The following DOCK2 variants were observed in gnomAD, a reference collection of about 807,000 sequenced individuals.
The protein encoded by DOCK2 is dedicator of cytokinesis 2, also known as dedicator of cytokinesis protein 2.
Under a neutral mutation model 248.9 loss-of-function variants are expected in DOCK2, and 87 were observed. The ratio of observed to expected loss-of-function variants is 0.35; its 90% CI spans 0.29 to 0.42. The LOEUF (loss-of-function observed/expected upper bound fraction) is 0.42, where lower values mean the gene tolerates loss of function less well. DOCK2 is among the 10% of genes least tolerant of loss of function. DOCK2 has a pLI of 1.00. For synonymous variants in DOCK2, 805 were observed against 821.6 expected (o/e 0.98, Z 0.35); for missense variants, 1,747 against 2,300.2 (o/e 0.76, Z 4.92).
chr5:170,058,287 T>C (rs1415127934), intron 44 of DOCK2, among the ~76,000 whole-genome samples: 1 of 152,216 alleles, frequency 6.6e-6, no homozygotes, highest in Non-Finnish European at 1.5e-5. Flanking sequence ...TTTATTTATT[T>C]ATTCATTCAT....
chr5:169,859,838 CACA>C (rs541590926), intron 27 of DOCK2, among the ~76,000 whole-genome samples: 103 of 152,272 alleles, frequency 6.8e-4, no homozygotes, highest in African/African-American at 2.4e-3. Flanking sequence ...TTTGATTCCA[CACA>C]ACAAGAATCT....
intron 27 of DOCK2, among the ~76,000 whole-genome samples, chr5:169,927,710 G>T (rs1023984211): frequency 6.6e-6 from 1 of 152,162 alleles, no homozygotes; most frequent in Non-Finnish European, 1.5e-5. Context: ...TCCGCTTCCC[G>T]AGTTCATGCC....
At chr5:169,724,704 A>G (rs1271801879) in intron 22 of DOCK2, among the ~76,000 whole-genome samples, 3 of 151,196 alleles carry the variant, frequency 2.0e-5, no homozygotes, top group Non-Finnish European at 4.4e-5. Flanking sequence ...TGCCTTCAGC[A>G]TCAATGACCA....
intron 25 of DOCK2, among the ~76,000 whole-genome samples, chr5:169,780,712 A>G (rs1479511678): frequency 6.6e-6 from 1 of 152,206 alleles, no homozygotes; most frequent in Non-Finnish European, 1.5e-5. Flanking sequence ...CTTCATTGAA[A>G]GATGGTAATA....
rs140564767 is a variant in DOCK2, at chr5:169,817,851, T to C, written c.2703+14645T>C. Among the ~76,000 whole-genome samples, 264 of 152,346 alleles carry C rather than the reference T, an allele frequency of 1.7e-3. 3 individuals carry two copies. Among genetic ancestry groups the C allele is most frequent in the African/African-American group, 5.9e-3 (244 of 41,590 alleles). On this transcript the variant is annotated intron_variant, in intron 26 of 51. Coordinates refer to ENST00000520908, the MANE Select transcript of DOCK2 (RefSeq NM_004946.3). ...CTCCGAGCAGATACTCAATAATTAA[T>C]GTCCGTGGTTTGACTGATCCTCCCA...
intron 49 of DOCK2, 57 bp from the exon 50 acceptor site, chr5:170,080,106 C>T (rs1226054565): frequency 1.2e-6 from 2 of 1,602,870 alleles, no homozygotes; most frequent in African/African-American, 1.3e-5. Flanking sequence ...CCAGATCTGC[C>T]TCATGCTAAG....
chr5:169,711,608 T>C (rs1761588320), intron 15 of DOCK2, among the ~76,000 whole-genome samples: 1 of 152,232 alleles, frequency 6.6e-6, no homozygotes, highest in African/African-American at 2.4e-5. Context: ...CATTGTGCAG[T>C]TTGCAGTGCA....
intron 27 of DOCK2, among the ~76,000 whole-genome samples, chr5:169,860,220 A>G (rs374633155): frequency 2.6e-4 from 40 of 151,958 alleles, no homozygotes; most frequent in Non-Finnish European, 1.5e-5. Flanking sequence ...TTGGCTTCCC[A>G]AAGTGTTGGT....
At chr5:169,871,206 C>CG (rs762590502) in intron 27 of DOCK2, among the ~76,000 whole-genome samples, 119 of 152,306 alleles carry the variant, frequency 7.8e-4, no homozygotes, top group Non-Finnish European at 1.6e-3. Context: ...CACAAACATT[C>CG]AGTCTATTCA....
chr5:169,790,036 T>C (rs908420110), intron 25 of DOCK2, among the ~76,000 whole-genome samples: 20 of 152,216 alleles, frequency 1.3e-4, no homozygotes, highest in Non-Finnish European at 2.8e-4. Context: ...CCTCCTCTTC[T>C]TCAGAGCTGA....
intron 27 of DOCK2, among the ~76,000 whole-genome samples, chr5:169,948,277 A>G (rs1776523206): frequency 6.8e-6 from 1 of 147,324 alleles, no homozygotes; most frequent in Non-Finnish European, 1.5e-5. Context: ...ATTTTAGTAG[A>G]GGGATTCAGA....
chr5:169,734,579 C>A (rs917355845), intron 22 of DOCK2, among the ~76,000 whole-genome samples: 32 of 152,172 alleles, frequency 2.1e-4, no homozygotes, highest in African/African-American at 7.5e-4. Context: ...GTTAAAATTT[C>A]TGTTTATGGA....
chr5:170,069,287 C>T (rs981281703), intron 46 of DOCK2, 67 bp downstream of exon 46: 38 of 1,538,958 alleles, frequency 2.5e-5, no homozygotes, highest in Non-Finnish European at 3.4e-5. Flanking sequence ...GTTCACTTGC[C>T]CCACGCTAGG....
intron 22 of DOCK2, among the ~76,000 whole-genome samples, chr5:169,735,121 A>T (rs924731290): frequency 2.6e-5 from 4 of 152,228 alleles, no homozygotes; most frequent in Non-Finnish European, 5.9e-5. Context: ...AGTCAGAGTG[A>T]TCTTTCCACA....
At chr5:169,891,391 C>T (rs1431599415) in intron 27 of DOCK2, among the ~76,000 whole-genome samples, 1 of 152,182 alleles carries the variant, frequency 6.6e-6, no homozygotes, top group African/African-American at 2.4e-5. Flanking sequence ...TAGTTAGAGG[C>T]TTCAAGGAAT....
intron 27 of DOCK2, among the ~76,000 whole-genome samples, chr5:169,960,122 T>A (rs1777024688): frequency 6.6e-6 from 1 of 152,226 alleles, no homozygotes. Context: ...GTGAAACTGA[T>A]GAAGGCAAGG....
Position 169,761,545 on chromosome 5 carries a change from G to A in DOCK2, c.2474G>A (p.Cys825Tyr), listed in dbSNP as rs1187413352. The change falls in exon 25 of 52, where the codon TGC (cysteine) becomes TAC (tyrosine). Residue 825 changes from cysteine to tyrosine, a missense_variant. Around this residue, in one of 4 missense-constraint regions of DOCK2, gnomAD observed 858 missense variants for 1,183.5 expected, o/e 0.72. Transcript: ENST00000520908. The part of the protein sequence containing the change: ...LSQLLYEFYT[C>Y]IPPVKLQKQK... ...CAACTCCTGTATGAGTTCTACACCT[G>A]CATCCCTCCTGTGAAACTCCAGAAG... 2.5e-6 allele frequency: 4 copies of A among 1,613,998 alleles called. No homozygotes were observed. In the Admixed American group the frequency reaches 6.7e-5, roughly 27 times the overall value.
chr5:169,760,140 A>G (rs1314027930), intron 24 of DOCK2, among the ~76,000 whole-genome samples: 2 of 152,206 alleles, frequency 1.3e-5, no homozygotes, highest in Admixed American at 1.3e-4. Flanking sequence ...CAGCCTAAGC[A>G]TACCTAAAGA....
chr5:170,042,130 A>C lies in DOCK2; in HGVS notation c.3874A>C (p.Lys1292Gln), dbSNP rs1393001697. Residue 1292 changes from lysine (K) to glutamine (Q), a missense_variant and splice_region_variant, in exon 38 of 52, where the codon AAG becomes CAG. Coordinates refer to ENST00000520908, the MANE Select transcript of DOCK2 (RefSeq NM_004946.3). ...ETIIGYFDKG[K>Q]MWEEAISLCK... ...CATCATAGGCTACTTTGACAAAGGA[A>C]AGGTAATCTGTCCCTGCCCACCCCC... 4 of 1,610,192 alleles carry C rather than the reference A, an allele frequency of 2.5e-6. No individual in the cohort carries two copies. In the African/African-American group the frequency reaches 5.3e-5, roughly 22 times the overall value.
Sources: gnomAD v4.1 joint callset for allele counts (sites outside exome capture counted in the v4.1 genomes callset) on GRCh38, gnomAD v4.1.1 for gene constraint, gnomAD v4.1.1 regional missense constraint, MANE v1.5 for transcripts, NCBI Gene and HGNC (gene_info 2026-07-23, HGNC 2026-07-21) for gene names.